Variants in ABI2 observed in about 807,000 individuals in gnomAD.
The protein encoded by ABI2 is abelson interactor 2.
ABI2 carries 25 observed loss-of-function variants against 59.2 expected under a neutral mutation model. The observed-to-expected ratio is 0.42, with a 90% CI of 0.31 to 0.59. The LOEUF is 0.59. Among genes scored for constraint, ABI2 ranks in the 20% least tolerant of loss-of-function variants. The pLI is 0.14. For synonymous variants in ABI2, 213 were observed against 235.5 expected (o/e 0.90, Z 0.87); for missense variants, 545 against 681.8 (o/e 0.80, Z 2.23).
intron 4 of ABI2, among the ~76,000 whole-genome samples, chr2:203,384,311 T>TGTTTTGTTTTTG (rs1559289649): frequency 2.9e-4 from 35 of 118,978 alleles, no homozygotes; most frequent in African/African-American, 1.1e-3. Context: ...TTTTTTTTTT[T>TGTTTTGTTTTTG]TTTTTTTTTT....
chr2:203,380,371 G>T lies in ABI2; in HGVS notation c.449G>T (p.Gly150Val). Residue 150 changes from glycine to valine, a missense_variant, in exon 3 of 12, where the codon GGA becomes GTA. Coordinates refer to ENST00000261018, the MANE Select transcript of ABI2 (RefSeq NM_001375670.1). ...PIDYTILDDI[G>V]HGVKWLLRFK... ...GACTATACAATTCTAGATGATATTG[G>T]ACATGGAGTAAAGGTAGGTATAATT... The T allele has an allele frequency of 1.3e-6, 2 of 1,548,428 alleles. No homozygotes were observed. Among genetic ancestry groups the T allele is most frequent in the South Asian group, 1.3e-5 (1 of 79,208 alleles).
chr2:203,411,314 C>T lies in ABI2; in HGVS notation c.1222C>T (p.Leu408=). The change falls in exon 10 of 12, where the codon CTA becomes TTA. Residue 408 remains leucine (L), a synonymous_variant. Transcript: ENST00000261018. ...TCTTGCTCCTCCTCCTCCCTCCATC[C>T]TACAGGTAACTCCTCAGTTACCTTT... ...VSLAPPPPSI[L]QVTPQLPLMG... 6.2e-7 allele frequency: 1 copy of T among 1,613,766 alleles called. No individual in the cohort carries two copies. Among genetic ancestry groups the T allele is most frequent in the South Asian group, 1.1e-5 (1 of 91,070 alleles).
intron 1 of ABI2, among the ~76,000 whole-genome samples, chr2:203,338,947 T>TATATATATATATATAA: frequency 3.4e-5 from 1 of 29,836 alleles, no homozygotes; most frequent in South Asian, 1.2e-3. Flanking sequence ...TATATATATA[T>TATATATATATATATAA]ATATATATAT....
intron 1 of ABI2, among the ~76,000 whole-genome samples, chr2:203,343,660 G>A (rs573824147): frequency 1.3e-5 from 2 of 152,198 alleles, no homozygotes; most frequent in South Asian, 2.1e-4. Context: ...TTAAAAACAT[G>A]TTTTTAGAAG....
intron 8 of ABI2, among the ~76,000 whole-genome samples, chr2:203,400,954 A>G (rs911192028): frequency 2.6e-5 from 4 of 152,260 alleles, no homozygotes; most frequent in African/African-American, 9.6e-5. Context: ...CAACAAATCA[A>G]GCATTCATCA....
At chr2:203,403,742 G>GTTTTTTTT (rs56123341) in intron 9 of ABI2, among the ~76,000 whole-genome samples, 5 of 95,300 alleles carry the variant, frequency 5.2e-5, no homozygotes, top group Admixed American at 1.4e-4. Context: ...CTTTCTTTCT[G>GTTTTTTTT]TTTTTTTTTT....
intron 3 of ABI2, among the ~76,000 whole-genome samples, chr2:203,380,893 G>A (rs1000478581): frequency 6.6e-6 from 1 of 152,182 alleles, no homozygotes; most frequent in African/African-American, 2.4e-5. Context: ...CTGCTTTTGA[G>A]TGTGTAGCTA....
At chr2:203,418,597 A>G (rs1417220869) in intron 11 of ABI2, among the ~76,000 whole-genome samples, 1 of 152,268 alleles carries the variant, frequency 6.6e-6, no homozygotes, top group Admixed American at 6.5e-5. Context: ...CTTCATTAGA[A>G]TGAACAAGCA....
intron 2 of ABI2, 104 bp from the exon 3 acceptor site, chr2:203,380,104 T>C (rs1014480402): frequency 2.9e-6 from 2 of 693,628 alleles, no homozygotes; most frequent in Non-Finnish European, 4.5e-6. Flanking sequence ...AAGCATAGTT[T>C]AGAATATGAG....
At chr2:203,408,287 C>T (rs560245784) in intron 9 of ABI2, among the ~76,000 whole-genome samples, 5 of 151,784 alleles carry the variant, frequency 3.3e-5, no homozygotes, top group Admixed American at 1.3e-4. Flanking sequence ...TTCAGCCTCC[C>T]GAGTAGCTGG....
chr2:203,370,224 C>G (rs11694861), intron 2 of ABI2, among the ~76,000 whole-genome samples: 2 of 121,564 alleles, frequency 1.6e-5, no homozygotes, highest in Non-Finnish European at 3.7e-5. Context: ...CTCTCTCTCT[C>G]TCTTTCTGTG....
chr2:203,349,090 AC>A (rs1199939920), intron 1 of ABI2, among the ~76,000 whole-genome samples: 1 of 149,488 alleles, frequency 6.7e-6, no homozygotes, highest in Non-Finnish European at 1.5e-5. Context: ...GTGCCACTGC[AC>A]CCGAGTAATT....
At chr2:203,328,735 G>T in intron 1 of ABI2, 104 bp downstream of exon 1, 1 of 624,936 alleles carries the variant, frequency 1.6e-6, no homozygotes, top group African/African-American at 2.0e-5. Context: ...GCCCAGCGGA[G>T]CCCCCGATGG....
chr2:203,423,456 C>T (rs770514602), intron 11 of ABI2, among the ~76,000 whole-genome samples: 11 of 152,110 alleles, frequency 7.2e-5, no homozygotes, highest in African/African-American at 1.9e-4. Context: ...GACGGAGTCT[C>T]GCTCTGTCGC....
At chr2:203,344,074 G>A (rs528232682) in intron 1 of ABI2, among the ~76,000 whole-genome samples, 1 of 152,322 alleles carries the variant, frequency 6.6e-6, no homozygotes, top group African/African-American at 2.4e-5. Flanking sequence ...GGAGGCTGCA[G>A]TGACCCTTGA....
rs1189041109 is a variant in ABI2, at chr2:203,428,824, C to T, written c.*1472C>T. On this transcript the variant is annotated 3_prime_UTR_variant, in exon 12 of 12. Coordinates refer to ENST00000261018, the MANE Select transcript of ABI2 (RefSeq NM_001375670.1). ...CGTGGGTTCTACTCAGTCCCAGTGACTTGGCCAGAATAGAGCTTTGCCAGG... is the reference window on the plus strand; with the variant it reads ...CGTGGGTTCTACTCAGTCCCAGTGATTTGGCCAGAATAGAGCTTTGCCAGG... The T allele has an allele frequency of 6.6e-6, 1 of 152,206 alleles. No individual in the cohort carries two copies. Among genetic ancestry groups the T allele is most frequent in the Non-Finnish European group, 1.5e-5 (1 of 68,066 alleles). The allele number at this position is 152,206 out of a possible 1,614,324, so 9.4% of individuals were successfully genotyped here.
chr2:203,367,944 A>C (rs1184601701), intron 2 of ABI2, among the ~76,000 whole-genome samples: 1 of 152,046 alleles, frequency 6.6e-6, no homozygotes, highest in East Asian at 1.9e-4. Flanking sequence ...GGTCTAGACT[A>C]TATTGAGCTG....
At position 203,394,683 on chromosome 2, in the gene ABI2, C is replaced by T. The variant is rs780278269; in HGVS notation, c.579-17C>T. The T allele has an allele frequency of 5.0e-6, 8 of 1,612,394 alleles. No homozygotes were observed. The highest frequency in any genetic ancestry group is 2.2e-5 in the East Asian group (1 of 44,878). On this transcript the variant is annotated splice_polypyrimidine_tract_variant and intron_variant, in intron 5 of 11. Transcript: ENST00000261018. ...AACTTGCTTAATCATACAATACATA[C>T]GCTCTTCTTTTTGTAGGCGGCACTC... is the stretch of plus-strand genomic sequence containing the variant.
rs2098394196 is a variant in ABI2, at chr2:203,425,281, T to C, written c.1454-1896T>C. ...CTCTGTCACCAAGGCTGGAGGGAAG[T>C]GTTGCGATCTCAGCTCACTCAAGTG... On this transcript the variant is annotated intron_variant, in intron 11 of 11. Transcript: ENST00000261018. 3.9e-5 allele frequency among the ~76,000 whole-genome samples: 6 copies of C among 152,148 alleles called. No individual in the cohort carries two copies. The South Asian group carries it at 1.0e-3, about 26-fold the overall frequency.
Sources: allele counts gnomAD v4.1 joint callset (sites outside exome capture counted in the v4.1 genomes callset), GRCh38; gene constraint gnomAD v4.1.1; transcripts MANE v1.5; gene names NCBI Gene and HGNC (gene_info 2026-07-23, HGNC 2026-07-21).